Variants in NOP56 observed in about 807,000 individuals in gnomAD.
NOP56 encodes the protein nucleolar protein 56.
NOP56 carries 31 observed loss-of-function variants against 58.3 expected under a neutral mutation model. The ratio of observed to expected loss-of-function variants is 0.53; its 90% confidence interval spans 0.40 to 0.72. The LOEUF (loss-of-function observed/expected upper bound fraction) is 0.72, where lower values mean the gene tolerates loss of function less well. Among genes scored for constraint, NOP56 ranks in the 30% least tolerant of loss-of-function variants. The probability of loss-of-function intolerance (pLI) is 0.00; values close to 1 mark genes in which losing one functional copy is unlikely to be tolerated. For synonymous variants in NOP56, 313 were observed against 282.8 expected, an observed-to-expected ratio of 1.11 and a Z score of -1.07; for missense variants, 669 against 739.9, an observed-to-expected ratio of 0.90 and a Z score of 1.11.
intron 3 of NOP56, chr20:2,653,666 T>C (rs926242813): frequency 5.5e-6 from 2 of 364,448 alleles, no homozygotes; most frequent in African/African-American, 4.2e-5. Flanking sequence ...TTTTTATTTT[T>C]ATTTTTTTTG....
In NOP56 at chr20:2,652,728, A is replaced by G. The variant is rs767157397; in HGVS notation, c.3+65A>G. On this transcript the variant is annotated intron_variant, in intron 1 of 11. Coordinates refer to ENST00000329276, the MANE Select transcript of NOP56 (RefSeq NM_006392.4). Reference sequence around the variant, plus strand: ...GGGTTTCGGCCTGCGTTCGGGCCGCAGACAGGGCCTGGGCCTGGGCCTGGG... The same window carrying G: ...GGGTTTCGGCCTGCGTTCGGGCCGCGGACAGGGCCTGGGCCTGGGCCTGGG... 2.2e-6 allele frequency: 3 copies of G among 1,337,960 alleles called. 1 individual carries two copies. In the South Asian group the frequency reaches 4.5e-5, roughly 20 times the overall value. The allele number at this position is 1,337,960 out of a possible 1,614,324, so 82.9% of individuals were successfully genotyped here. A position where few individuals can be genotyped will look rare whatever the true frequency, so the allele number is the denominator to read the frequency against.
rs1256506667 is a variant in NOP56, at chr20:2,655,426, A to G, written c.671A>G (p.Asn224Ser). ...AQFIGNRREL[N>S]EDKLEKLEEL... is the part of the protein sequence containing the mutation. ...TTTATTGGAAACCGAAGGGAACTGAATGAGGACAAGCTGGAGAAGCTGGAG... is the reference window on the plus strand; with the variant it reads ...TTTATTGGAAACCGAAGGGAACTGAGTGAGGACAAGCTGGAGAAGCTGGAG... The change falls in exon 6 of 12, where the codon AAT becomes AGT. Residue 224 changes from asparagine (N) to serine (S), a missense_variant. By Grantham distance (46) the Asn-to-Ser change is conservative (BLOSUM62 1). Coordinates refer to ENST00000329276, the MANE Select transcript of NOP56 (RefSeq NM_006392.4). The G allele has an allele frequency of 5.0e-6, 8 of 1,614,194 alleles. No homozygotes were observed. Among genetic ancestry groups the G allele is most frequent in the Non-Finnish European group, 6.8e-6 (8 of 1,180,022 alleles).
intron 2 of NOP56, 92 bp downstream of exon 2, chr20:2,653,023 AGC>A (rs949347593): frequency 1.6e-6 from 2 of 1,213,820 alleles, no homozygotes; most frequent in Admixed American, 4.9e-5. Context: ...TGGCCGGCCG[AGC>A]GGTTCGGGGC....
At chr20:2,654,695 G>C in intron 4 of NOP56, 54 bp from the exon 5 acceptor site, 1 of 1,608,752 alleles carries the variant, frequency 6.2e-7, no homozygotes, top group South Asian at 1.1e-5. Flanking sequence ...GTGCCCGTGG[G>C]TGCGGGAGCT....
At position 2,654,422 on chromosome 20, in the gene NOP56, C is replaced by T. The variant is rs2086791089; in HGVS notation, c.217C>T (p.His73Tyr). The T allele has an allele frequency of 6.2e-7, 1 of 1,613,998 alleles. No homozygotes were observed. ...GTGTTCTTTCCCCTGAGGGGTTGTT[C>T]ATGAGGACCTCCGCCTGCTCTTGGA... ...NANAVSEGVV[H>Y]EDLRLLLETH... Residue 73 changes from histidine to tyrosine, a missense_variant, in exon 4 of 12, where the codon CAT becomes TAT. Physicochemically the swap from His to Tyr is moderately conservative, Grantham distance 83. Transcript: ENST00000329276.
chr20:2,652,759 G>A (rs1392916958), intron 1 of NOP56, 83 bp from the exon 2 acceptor site: 4 of 1,498,746 alleles, frequency 2.7e-6, no homozygotes. Flanking sequence ...CTGGGCCTGC[G>A]CCTGCGCCTG....
At chr20:2,657,771 C>T (rs2086845781) in intron 11 of NOP56, 158 bp from the exon 12 acceptor site, 5 of 785,520 alleles carry the variant, frequency 6.4e-6, no homozygotes, top group Admixed American at 2.6e-5. Context: ...TTTGGGACAG[C>T]CTTTGGGGTG....
chr20:2,656,553 T>C lies in NOP56; in HGVS notation c.1159+4T>C. On this transcript the variant is annotated splice_donor_region_variant and intron_variant, in intron 9 of 11. Transcript: ENST00000329276. ...TCACGAATCGATTGCTTCTCTGGTATGGGTGGGGGGGCGTTGGCAGGTGTG... is the reference window on the plus strand; with the variant it reads ...TCACGAATCGATTGCTTCTCTGGTACGGGTGGGGGGGCGTTGGCAGGTGTG... The C allele has an allele frequency of 6.3e-7, 1 of 1,578,566 alleles. No homozygotes were observed. The highest frequency in any genetic ancestry group is 2.4e-5 in the East Asian group (1 of 42,180).
In NOP56 at chr20:2,656,089, T is replaced by G. The variant is rs530237387; in HGVS notation, c.1010+55T>G. 1.9e-5 allele frequency: 31 copies of G among 1,613,720 alleles called. 1 individual carries two copies. Among genetic ancestry groups the G allele is most frequent in the Middle Eastern group, 1.7e-4 (1 of 6,058 alleles). On this transcript the variant is annotated intron_variant, in intron 8 of 11. Transcript: ENST00000329276. ...GGTGCCACTTCTGGTGCCCACTGCT[T>G]GTTGGGGGATCACGGTGATGGCTGA...
chr20:2,654,661 T>C, intron 4 of NOP56, 86 bp downstream of exon 4: 3 of 1,605,496 alleles, frequency 1.9e-6, no homozygotes, highest in Admixed American at 1.7e-5. Flanking sequence ...TTGTGATTTC[T>C]GGGAAGGCCT....
In NOP56 at chr20:2,655,900, A is replaced by T. The variant is rs909114402; in HGVS notation, c.910-34A>T. 4.3e-6 allele frequency: 7 copies of T among 1,613,826 alleles called. No individual in the cohort carries two copies. The African/African-American group carries it at 9.3e-5, about 22-fold the overall frequency. On this transcript the variant is annotated intron_variant, in intron 7 of 11. Transcript: ENST00000329276. Reference sequence around the variant, plus strand: ...GTGCAACTGGGCAGGTCAGCAGTTCATTTCTCTGACTGCTTCCTTGACTCT... The same window carrying T: ...GTGCAACTGGGCAGGTCAGCAGTTCTTTTCTCTGACTGCTTCCTTGACTCT...
At chr20:2,657,432 G>A (rs1468672512) in intron 11 of NOP56, 31 of 758,752 alleles carry the variant, frequency 4.1e-5, no homozygotes, top group Middle Eastern at 2.2e-4. Context: ...GCTCACACCC[G>A]TTCCCTGGGC....
Position 2,654,750 on chromosome 20 carries a change from A to C in NOP56, c.372A>C (p.Gly124=), listed in dbSNP as rs2086795637. The part of the protein sequence containing the change: ...TGGVIAEILR[G]VRLHFHNLVK... The stretch of plus-strand genomic sequence containing the variant: ...CTCACCGTCTTGCCCTCTTCTTAGG[A>C]GTTCGTCTGCACTTCCACAATCTGG... The change falls in exon 5 of 12, where the codon GGA becomes GGC. Residue 124 remains glycine, a splice_region_variant and synonymous_variant. Transcript: ENST00000329276. 2 of 1,613,560 alleles carry C rather than the reference A, an allele frequency of 1.2e-6. No homozygotes were observed. The highest frequency in any genetic ancestry group is 2.2e-5 in the South Asian group (2 of 91,090).
chr20:2,653,279 G>T lies in NOP56; in HGVS notation c.94G>T (p.Val32Leu). Residue 32 changes from valine (V) to leucine (L), a missense_variant and splice_region_variant, in exon 3 of 12, where the codon GTG (valine) becomes TTG (leucine). Val to Leu is a conservative substitution (Grantham distance 32). Around this residue, in one of 3 missense-constraint regions of NOP56, gnomAD observed 121 missense variants for 113.1 expected, o/e 1.07. Transcript: ENST00000329276. The part of the protein sequence containing the change: ...VEEISLLQPQ[V>L]EESVLNLGKF... ...CCACTTAGCCTCTTTCTCCCCCCAG[G>T]TGGAGGAGTCTGTGCTCAACCTGGG... is the stretch of plus-strand genomic sequence containing the variant. The T allele has an allele frequency of 6.2e-7, 1 of 1,612,740 alleles. No individual in the cohort carries two copies. The highest frequency in any genetic ancestry group is 2.2e-5 in the East Asian group (1 of 44,872).
At chr20:2,654,370 T>C in intron 3 of NOP56, 44 bp from the exon 4 acceptor site, 1 of 1,610,544 alleles carries the variant, frequency 6.2e-7, no homozygotes, top group Non-Finnish European at 8.5e-7. Flanking sequence ...TTAGAGTTGA[T>C]CGTCCTTCAG....
intron 3 of NOP56, chr20:2,653,958 AGG>A: frequency 3.0e-6 from 1 of 336,474 alleles, no homozygotes; most frequent in South Asian, 2.3e-5. Context: ...CGGCCGACAA[AGG>A]GGGGTTTCTT....
intron 5 of NOP56, 184 bp downstream of exon 5, chr20:2,655,131 A>G (rs141734383): frequency 1.3e-4 from 134 of 1,049,256 alleles, no homozygotes; most frequent in Non-Finnish European, 1.9e-4. Flanking sequence ...GAGGTAGAGT[A>G]AACCTACCCC....
Position 2,655,324 on chromosome 20 carries a change from G to A in NOP56, c.570-1G>A. On this transcript the variant is annotated splice_acceptor_variant, in intron 5 of 11. Coordinates refer to ENST00000329276, the MANE Select transcript of NOP56 (RefSeq NM_006392.4). LOFTEE classifies it high-confidence loss of function. ...CAGGGAGTGACTGTGGCTCTTTGCA[G>A]GGAGTGGTACGGGTATCACTTTCCG... 2 of 1,614,214 alleles carry A rather than the reference G, an allele frequency of 1.2e-6. No homozygotes were observed. The highest frequency in any genetic ancestry group is 1.7e-6 in the Non-Finnish European group (2 of 1,180,026).
Position 2,655,630 on chromosome 20 carries a change from G to A in NOP56, c.793G>A (p.Glu265Lys), listed in dbSNP as rs1343970218. Residue 265 changes from glutamate (E) to lysine (K), a missense_variant, in exon 7 of 12, where the codon GAG (glutamate) becomes AAG (lysine). Transcript: ENST00000329276. ...ATCTGCCATTGACTTGATAAACATCGAGAGCTTCTCCAGTCGTGTGGTGTC... is the reference window on the plus strand; with the variant it reads ...ATCTGCCATTGACTTGATAAACATCAAGAGCTTCTCCAGTCGTGTGGTGTC... ...DISAIDLINIESFSSRVVSLS... is the reference protein window; with the variant it reads ...DISAIDLINIKSFSSRVVSLS... 1.2e-6 allele frequency: 2 copies of A among 1,614,024 alleles called. No homozygotes were observed. The highest frequency in any genetic ancestry group is 1.3e-5 in the African/African-American group (1 of 74,902).
Sources: allele counts gnomAD v4.1 joint callset, GRCh38; gene constraint gnomAD v4.1.1; regional missense constraint gnomAD v4.1.1; transcripts MANE v1.5; gene names NCBI Gene and HGNC (gene_info 2026-07-23, HGNC 2026-07-21).